The following ZKSCAN4 variants were observed in gnomAD, a reference collection of about 807,000 sequenced individuals.
The protein encoded by ZKSCAN4 is zinc finger protein with KRAB and SCAN domains 4.
In ZKSCAN4, 23 loss-of-function variants were observed where a neutral mutation model predicts 30.8. The ratio of observed to expected loss-of-function variants is 0.75; its 90% CI spans 0.54 to 1.06. The LOEUF (loss-of-function observed/expected upper bound fraction) is 1.06, where lower values mean the gene tolerates loss of function less well. Ranked by LOEUF, ZKSCAN4 falls within the 50% of genes least tolerant of loss-of-function variation. The pLI is 0.00. For synonymous variants in ZKSCAN4, 208 were observed against 252.5 expected, an observed-to-expected ratio of 0.82 and a Z score of 1.67; for missense variants, 556 against 665.4, an observed-to-expected ratio of 0.84 and a Z score of 1.81.
In ZKSCAN4 at chr6:28,242,359, A is replaced by C. The variant is rs148692820; in HGVS notation, c.*2757T>G. Among the ~76,000 whole-genome samples, 58 of 152,336 alleles carry C rather than the reference A, an allele frequency of 3.8e-4. No individual in the cohort carries two copies. The highest frequency in any genetic ancestry group is 7.6e-4 in the Non-Finnish European group (52 of 68,026). ...GTTTTATAGAAAAGTGGAGTATCTA[A>C]AAGACTGTAAGCAAAATGATTTTAT... is the stretch of plus-strand genomic sequence containing the variant. On this transcript the variant is annotated 3_prime_UTR_variant, in exon 5 of 5. Coordinates refer to ENST00000377294, the MANE Select transcript of ZKSCAN4 (RefSeq NM_019110.5).
intron 2 of ZKSCAN4, among the ~76,000 whole-genome samples, chr6:28,248,747 G>A (rs142096847): frequency 2.0e-3 from 294 of 150,304 alleles, no homozygotes; most frequent in African/African-American, 6.5e-3. Flanking sequence ...AGGATTGCTT[G>A]AGCCTGGGAG....
chr6:28,254,389 G>A (rs892681158), upstream of ZKSCAN4, among the ~76,000 whole-genome samples: 3 of 152,244 alleles, frequency 2.0e-5, no homozygotes, highest in African/African-American at 7.2e-5. Context: ...ATGGAAAGGG[G>A]TGGCAACTTC....
Position 28,251,929 on chromosome 6 carries a change from C to T in ZKSCAN4, c.52G>A (p.Asp18Asn). Residue 18 changes from aspartate to asparagine, a missense_variant, in exon 1 of 5, where the codon GAC becomes AAC. Asp to Asn is a conservative substitution (Grantham distance 23). Transcript: ENST00000377294. This position sits in a 1 kb window ranked among gnomAD's most constrained non-coding sequence, Gnocchi z 4.5. ...TTCACGGTCAGGAGCCCCGTCTGGT[C>T]TTCTGCAGACTGGGCGTCCAGGGCT... Reference protein sequence around the residue: ...NAALDAQSAEDQTGLLTVKVE... With the variant: ...NAALDAQSAENQTGLLTVKVE... 6 of 1,526,330 alleles carry T rather than the reference C, an allele frequency of 3.9e-6. No individual in the cohort carries two copies. The highest frequency in any genetic ancestry group is 5.3e-6 in the Non-Finnish European group (6 of 1,142,408). The allele number at this position is 1,526,330 out of a possible 1,614,324, so 94.5% of individuals were successfully genotyped here.
the ZKSCAN4 span, among the ~76,000 whole-genome samples, chr6:28,258,119 C>T: frequency 6.6e-6 from 1 of 152,116 alleles, no homozygotes; most frequent in Admixed American, 6.5e-5. Context: ...CTACTTAGAG[C>T]AAATGATATG....
intron 2 of ZKSCAN4, among the ~76,000 whole-genome samples, 194 bp from the exon 3 acceptor site, chr6:28,248,343 T>C (rs886687748): frequency 2.0e-5 from 3 of 152,216 alleles, no homozygotes; most frequent in Admixed American, 6.5e-5. Context: ...TCTGCAGATA[T>C]ACAAAAACCA....
upstream of ZKSCAN4, among the ~76,000 whole-genome samples, chr6:28,252,665 G>A (rs1761059345): frequency 6.6e-6 from 1 of 151,984 alleles, no homozygotes; most frequent in African/African-American, 2.4e-5. Flanking sequence ...GCGAGCAGTG[G>A]CTGCCCTTGG....
At chr6:28,246,914 C>A in intron 4 of ZKSCAN4, 55 bp downstream of exon 4, 1 of 1,566,124 alleles carries the variant, frequency 6.4e-7, no homozygotes, top group Non-Finnish European at 8.6e-7. Flanking sequence ...CCAATAGGTT[C>A]TAATACGCAA....
At position 28,245,543 on chromosome 6, in the gene ZKSCAN4, T is replaced by A. The variant is rs1561856451; in HGVS notation, c.1211A>T (p.Tyr404Phe). 11 of 1,614,114 alleles carry A rather than the reference T, an allele frequency of 6.8e-6. No individual in the cohort carries two copies. The highest frequency in any genetic ancestry group is 9.3e-6 in the Non-Finnish European group (11 of 1,180,048). ...HQRTHTGEKP[Y>F]ECDDCGKTFS... ...GGTCTTCCCACAGTCATCACACTCA[T>A]AGGGCTTCTCCCCAGTGTGGGTTCT... is the stretch of plus-strand genomic sequence containing the variant. The change falls in exon 5 of 5, where the codon TAT becomes TTT. Residue 404 changes from tyrosine (Y) to phenylalanine (F), a missense_variant. Tyr to Phe is a conservative substitution (Grantham distance 22, BLOSUM62 3). Coordinates refer to ENST00000377294, the MANE Select transcript of ZKSCAN4 (RefSeq NM_019110.5).
chr6:28,254,400 C>T (rs760783336), upstream of ZKSCAN4, among the ~76,000 whole-genome samples: 1 of 152,202 alleles, frequency 6.6e-6, no homozygotes, highest in Non-Finnish European at 1.5e-5. Flanking sequence ...TGGCAACTTC[C>T]CTGTGTTGCC....
At chr6:28,248,797 G>A (rs1456197550) in intron 2 of ZKSCAN4, among the ~76,000 whole-genome samples, 1 of 141,870 alleles carries the variant, frequency 7.0e-6, no homozygotes, top group Non-Finnish European at 1.5e-5. Context: ...CTGCACTCCA[G>A]CCTGGATAAC....
At chr6:28,258,236 T>C in the ZKSCAN4 span, among the ~76,000 whole-genome samples, 1 of 152,224 alleles carries the variant, frequency 6.6e-6, no homozygotes, top group Non-Finnish European at 1.5e-5. Context: ...ACTGAGCAGA[T>C]CAACTTAATT....
upstream of ZKSCAN4, among the ~76,000 whole-genome samples, chr6:28,255,333 G>T (rs1761145860): frequency 6.6e-6 from 1 of 152,170 alleles, no homozygotes; most frequent in Non-Finnish European, 1.5e-5. Context: ...TTTCTCCTAG[G>T]ATAAGGGGCA....
At chr6:28,252,932 C>T (rs1761071832), upstream of ZKSCAN4, among the ~76,000 whole-genome samples, 1 of 152,162 alleles carries the variant, frequency 6.6e-6, no homozygotes, top group Non-Finnish European at 1.5e-5. Flanking sequence ...CCTGTTTCTT[C>T]CCAGCCCCCA....
At position 28,251,467 on chromosome 6, in the gene ZKSCAN4, C is replaced by T; in HGVS notation, c.423+91G>A. 6.2e-7 allele frequency: 1 copy of T among 1,602,842 alleles called. No homozygotes were observed. The highest frequency in any genetic ancestry group is 8.5e-7 in the Non-Finnish European group (1 of 1,174,012). On this transcript the variant is annotated intron_variant, in intron 1 of 4. Coordinates refer to ENST00000377294, the MANE Select transcript of ZKSCAN4 (RefSeq NM_019110.5). This position sits in a 1 kb window ranked among gnomAD's most constrained non-coding sequence, Gnocchi z 4.5. ...ACAGTACAAAAAGAGATGAAGAACT[C>T]CTGGACCTTAAAGGAATGCCCCTCG...
At chr6:28,248,498 T>C (rs1760837101) in intron 2 of ZKSCAN4, among the ~76,000 whole-genome samples, 1 of 152,036 alleles carries the variant, frequency 6.6e-6, no homozygotes, top group African/African-American at 2.4e-5. Context: ...AAAATGTCTT[T>C]AGTAGATATT....
At chr6:28,256,056 G>A (rs1336801825), upstream of ZKSCAN4, among the ~76,000 whole-genome samples, 2 of 152,252 alleles carry the variant, frequency 1.3e-5, no homozygotes, top group South Asian at 2.1e-4. Flanking sequence ...AAACCAAATC[G>A]TAACAACTAG....
chr6:28,256,231 G>C (rs1761170721), upstream of ZKSCAN4, among the ~76,000 whole-genome samples: 1 of 152,060 alleles, frequency 6.6e-6, no homozygotes, highest in African/African-American at 2.4e-5. Context: ...AGACCAGCCT[G>C]GGCAACATCT....
In ZKSCAN4 at chr6:28,244,293, G is replaced by A. The variant is rs1363391942; in HGVS notation, c.*823C>T. Among the ~76,000 whole-genome samples the A allele has an allele frequency of 1.3e-5, 2 of 151,040 alleles. No homozygotes were observed. Among genetic ancestry groups the A allele is most frequent in the Non-Finnish European group, 3.0e-5 (2 of 67,446 alleles). ...ATAATAATCATTTTGATCTAACTCAGTAAGTTGATTTTTATTTACCTGAAT... is the reference window on the plus strand; with the variant it reads ...ATAATAATCATTTTGATCTAACTCAATAAGTTGATTTTTATTTACCTGAAT... On this transcript the variant is annotated 3_prime_UTR_variant, in exon 5 of 5. Coordinates refer to ENST00000377294, the MANE Select transcript of ZKSCAN4 (RefSeq NM_019110.5).
At chr6:28,247,880 G>A (rs767562600) in intron 3 of ZKSCAN4, among the ~76,000 whole-genome samples, 187 bp downstream of exon 3, 9 of 152,224 alleles carry the variant, frequency 5.9e-5, no homozygotes, top group Non-Finnish European at 1.2e-4. Context: ...AAACAGGAAA[G>A]TCCTCTTAGG....
Sources: allele counts gnomAD v4.1 joint callset (sites outside exome capture counted in the v4.1 genomes callset), GRCh38; gene constraint gnomAD v4.1.1; non-coding constraint Gnocchi (gnomAD v3.1); transcripts MANE v1.5; gene names NCBI Gene and HGNC (gene_info 2026-07-23, HGNC 2026-07-21).